PODN: variants seen among roughly 807,000 people sequenced by gnomAD.
The protein encoded by PODN is podocan.
In PODN, 40 loss-of-function variants were observed where a neutral mutation model predicts 52.7. The ratio of observed to expected loss-of-function variants is 0.76; its 90% confidence interval spans 0.59 to 0.99. The LOEUF (loss-of-function observed/expected upper bound fraction) is 0.99. Ranked by LOEUF, PODN falls within the 50% of genes least tolerant of loss-of-function variation. The pLI is 0.00. For missense variants in PODN, 720 were observed against 815.1 expected (o/e 0.88, Z 1.42); for synonymous variants, 396 against 377.9 (o/e 1.05, Z -0.56).
chr1:53,067,687 T>A (rs1173762742), intron 1 of PODN, among the ~76,000 whole-genome samples: 1 of 152,086 alleles, frequency 6.6e-6, no homozygotes, highest in Non-Finnish European at 1.5e-5. Flanking sequence ...GAGGCAAAGA[T>A]GTGAGGATCA....
At position 53,070,041 on chromosome 1, in the gene PODN, C is replaced by A; in HGVS notation, c.186C>A (p.Gly62=). The change falls in exon 2 of 11, where the codon GGC becomes GGA. Residue 62 remains glycine (G), a synonymous_variant. Transcript: ENST00000312553. ...LVLSPEEPGP[G]PAAVSCPRDC... ...TGAGCCCTGAGGAGCCCGGGCCTGG[C>A]CCAGCCGCGGTCAGCTGCCCCCGAG... The A allele has an allele frequency of 6.2e-7, 1 of 1,612,968 alleles. No individual in the cohort carries two copies. Among genetic ancestry groups the A allele is most frequent in the Non-Finnish European group, 8.5e-7 (1 of 1,179,956 alleles).
rs1461434757 is a variant in PODN at position 53,077,781 on chromosome 1, C to T, written c.835C>T (p.Leu279=). 6.2e-7 allele frequency: 1 copy of T among 1,613,580 alleles called. No individual in the cohort carries two copies. Among genetic ancestry groups the T allele is most frequent in the Non-Finnish European group, 8.5e-7 (1 of 1,179,940 alleles). ...GAACAACTACCTGACTGACGAGGGC[C>T]TGGACAACGAGACCTTCTGGTGAGT... ...LQNNYLTDEG[L]DNETFWKLSS... The change falls in exon 7 of 11, where the codon CTG becomes TTG. Residue 279 remains leucine (L), a synonymous_variant. Transcript: ENST00000312553.
chr1:53,077,108 C>A (rs1381146392), intron 5 of PODN, 82 bp from the exon 6 acceptor site: 6 of 1,523,612 alleles, frequency 3.9e-6, no homozygotes, highest in Admixed American at 3.8e-5. Flanking sequence ...GCAGCCTGGG[C>A]AAGGGTTTAG....
At chr1:53,074,582 CT>C in intron 3 of PODN, 23 bp from the exon 4 acceptor site, 1 of 1,613,756 alleles carries the variant, frequency 6.2e-7, no homozygotes, top group Middle Eastern at 1.6e-4. Context: ...ATCCAGGGCT[CT>C]GACCGATGCC....
At chr1:53,063,605 G>A (rs1259194522) in intron 1 of PODN, 1 of 983,324 alleles carries the variant, frequency 1.0e-6, no homozygotes, top group Non-Finnish European at 1.2e-6. Flanking sequence ...GAAAGACCAG[G>A]GGGGACTGCT....
rs769084935 is a variant in PODN, at chr1:53,078,981, G to C, written c.1471G>C (p.Ala491Pro). The C allele has an allele frequency of 1.9e-6, 3 of 1,570,318 alleles. No homozygotes were observed. The highest frequency in any genetic ancestry group is 2.6e-6 in the Non-Finnish European group (3 of 1,157,150). ...YLTSNRLRSR[A>P]LGPRAWVDLA... ...CACCAGCAACCGACTGCGCAGCCGAGCCCTGGGCCCCCGTGCCTGGGTGGA... is the reference window on the plus strand; with the variant it reads ...CACCAGCAACCGACTGCGCAGCCGACCCCTGGGCCCCCGTGCCTGGGTGGA... The change falls in exon 8 of 11, where the codon GCC (alanine) becomes CCC (proline). Residue 491 changes from alanine (A) to proline (P), a missense_variant. Physicochemically the swap from Ala to Pro is conservative, Grantham distance 27 (BLOSUM62 -1). Transcript: ENST00000312553.
At chr1:53,072,646 T>C (rs541069958) in intron 3 of PODN, among the ~76,000 whole-genome samples, 1 of 152,372 alleles carries the variant, frequency 6.6e-6, no homozygotes, top group African/African-American at 2.4e-5. Flanking sequence ...CTCAAAGGTC[T>C]GCCTGCCTCC....
intron 1 of PODN, chr1:53,066,788 A>G (rs1424988183): frequency 6.5e-7 from 1 of 1,535,050 alleles, no homozygotes; most frequent in Admixed American, 2.0e-5. Context: ...TGTTAATATA[A>G]ATTCAATATT....
rs751960620 is a variant in PODN at position 53,078,530 on chromosome 1, G to T, written c.1020G>T (p.Leu340=). 42 of 1,613,272 alleles carry T rather than the reference G, an allele frequency of 2.6e-5. No homozygotes were observed. Among genetic ancestry groups the T allele is most frequent in the Admixed American group, 3.3e-5 (2 of 60,030 alleles). Residue 340 remains leucine, a synonymous_variant, in exon 8 of 11, where the codon CTG becomes CTT. Coordinates refer to ENST00000312553, the MANE Select transcript of PODN (RefSeq NM_153703.5). ...TPIRSLEYLL[L]HSNQLREQGI... ...TCCGCAGCCTGGAGTACCTGCTGCTGCACAGCAACCAGCTGCGGGAGCAGG... is the reference window on the plus strand; with the variant it reads ...TCCGCAGCCTGGAGTACCTGCTGCTTCACAGCAACCAGCTGCGGGAGCAGG...
chr1:53,071,387 C>T (rs878933482), intron 2 of PODN, 148 bp from the exon 3 acceptor site: 75 of 672,864 alleles, frequency 1.1e-4, no homozygotes, highest in South Asian at 1.1e-3. Flanking sequence ...GAGCTGGCAC[C>T]GGGGGTCTGC....
intron 10 of PODN, among the ~76,000 whole-genome samples, chr1:53,082,661 G>A (rs1299081009): frequency 9.9e-5 from 15 of 152,176 alleles, no homozygotes. Context: ...TGTAACACAG[G>A]CACCTACATG....
chr1:53,078,681 C>A lies in PODN; in HGVS notation c.1171C>A (p.Gln391Lys), dbSNP rs1439460521. ...GCGCACCCTCATGATCCTGCACAAC[C>A]AGATCACAGGCATTGGCCGCGAAGA... is the stretch of plus-strand genomic sequence containing the variant. ...RVRTLMILHN[Q>K]ITGIGREDFA... The change falls in exon 8 of 11, where the codon CAG becomes AAG. Residue 391 changes from glutamine to lysine, a missense_variant. By Grantham distance (53) the Gln-to-Lys change is moderately conservative. Transcript: ENST00000312553. 8.7e-6 allele frequency: 14 copies of A among 1,613,334 alleles called. No individual in the cohort carries two copies. In the South Asian group the frequency reaches 1.4e-4, roughly 16 times the overall value.
intron 5 of PODN, among the ~76,000 whole-genome samples, chr1:53,076,298 C>T (rs541306848): frequency 1.2e-4 from 19 of 152,318 alleles, no homozygotes; most frequent in African/African-American, 4.1e-4. Flanking sequence ...CATAGGTGTG[C>T]GAGAGAGCAG....
At position 53,078,485 on chromosome 1, in the gene PODN, C is replaced by A. The variant is rs771568059; in HGVS notation, c.975C>A (p.Asp325Glu). The A allele has an allele frequency of 3.1e-6, 5 of 1,613,370 alleles. No homozygotes were observed. Among genetic ancestry groups the A allele is most frequent in the Non-Finnish European group, 4.2e-6 (5 of 1,180,040 alleles). ...HLEKNAIRSV[D>E]ANVLTPIRSL... ...AGAAGAACGCCATCCGGAGCGTGGACGCGAATGTGCTGACCCCCATCCGCA... is the reference window on the plus strand; with the variant it reads ...AGAAGAACGCCATCCGGAGCGTGGAAGCGAATGTGCTGACCCCCATCCGCA... Residue 325 changes from aspartate (D) to glutamate (E), a missense_variant, in exon 8 of 11, where the codon GAC becomes GAA. Coordinates refer to ENST00000312553, the MANE Select transcript of PODN (RefSeq NM_153703.5).
At position 53,078,429 on chromosome 1, in the gene PODN, C is replaced by A. The variant is rs760706223; in HGVS notation, c.919C>A (p.Leu307Met). 1 of 1,613,566 alleles carries A rather than the reference C, an allele frequency of 6.2e-7. No homozygotes were observed. The highest frequency in any genetic ancestry group is 8.5e-7 in the Non-Finnish European group (1 of 1,180,034). ...SNNLSRVPAG[L>M]PRSLVLLHLE... The stretch of plus-strand genomic sequence containing the variant: ...CAACCTGTCTCGGGTCCCAGCTGGG[C>A]TGCCGCGCAGCCTGGTGCTGCTGCA... Residue 307 changes from leucine (L) to methionine (M), a missense_variant, in exon 8 of 11, where the codon CTG (leucine) becomes ATG (methionine). Physicochemically the swap from Leu to Met is conservative, Grantham distance 15. Coordinates refer to ENST00000312553, the MANE Select transcript of PODN (RefSeq NM_153703.5).
At position 53,078,669 on chromosome 1, in the gene PODN, A is replaced by G. The variant is rs1199651698; in HGVS notation, c.1159A>G (p.Ile387Val). 1.2e-6 allele frequency: 2 copies of G among 1,613,096 alleles called. No homozygotes were observed. Among genetic ancestry groups the G allele is most frequent in the Non-Finnish European group, 1.7e-6 (2 of 1,179,978 alleles). The change falls in exon 8 of 11, where the codon ATC becomes GTC. Residue 387 changes from isoleucine to valine, a missense_variant. Ile to Val is a conservative substitution (Grantham distance 29, BLOSUM62 3). Transcript: ENST00000312553. ...GCCTCGCCGCGTGCGCACCCTCATG[A>G]TCCTGCACAACCAGATCACAGGCAT... Reference protein sequence around the residue: ...GLPRRVRTLMILHNQITGIGR... With the variant: ...GLPRRVRTLMVLHNQITGIGR...
chr1:53,071,800 C>T (rs113231186), intron 3 of PODN, among the ~76,000 whole-genome samples, 172 bp downstream of exon 3: 67 of 150,758 alleles, frequency 4.4e-4, no homozygotes, highest in Non-Finnish European at 7.1e-4. Context: ...CAGCTCCACA[C>T]GGGCAAGGGG....
At chr1:53,067,317 C>T (rs1394664125) in intron 1 of PODN, among the ~76,000 whole-genome samples, 1 of 152,044 alleles carries the variant, frequency 6.6e-6, no homozygotes, top group Non-Finnish European at 1.5e-5. Context: ...GGGCCTCCTA[C>T]TCCTTGGGAC....
In PODN at chr1:53,078,777, C is replaced by A. The variant is rs139363397; in HGVS notation, c.1267C>A (p.Arg423Ser). ...YNRITSPQVHRDAFRKLRLLR... is the reference protein window; with the variant it reads ...YNRITSPQVHSDAFRKLRLLR... Reference sequence around the variant, plus strand: ...CCGCATCACCAGCCCGCAGGTGCACCGCGACGCCTTCCGCAAGCTGCGCCT... The same window carrying A: ...CCGCATCACCAGCCCGCAGGTGCACAGCGACGCCTTCCGCAAGCTGCGCCT... Residue 423 changes from arginine to serine, a missense_variant, in exon 8 of 11, where the codon CGC becomes AGC. By Grantham distance (110) the Arg-to-Ser change is moderately radical. Transcript: ENST00000312553. 6.2e-7 allele frequency: 1 copy of A among 1,613,138 alleles called. No individual in the cohort carries two copies. Among genetic ancestry groups the A allele is most frequent in the Non-Finnish European group, 8.5e-7 (1 of 1,179,958 alleles).
Sources: gnomAD v4.1 joint callset for allele counts (sites outside exome capture counted in the v4.1 genomes callset) on GRCh38, gnomAD v4.1.1 for gene constraint, MANE v1.5 for transcripts, NCBI Gene and HGNC (gene_info 2026-07-23, HGNC 2026-07-21) for gene names.